Variants in ESRRG observed in about 807,000 individuals in gnomAD.
The protein encoded by ESRRG is estrogen related receptor gamma.
A neutral mutation model predicts 44.0 loss-of-function variants in ESRRG; 13 were observed. The ratio of observed to expected loss-of-function variants is 0.30; its 90% CI spans 0.19 to 0.47. The LOEUF (loss-of-function observed/expected upper bound fraction) is 0.47. Ranked by LOEUF, ESRRG falls within the 20% of genes least tolerant of loss-of-function variation. The pLI is 1.00. For synonymous variants in ESRRG, 215 were observed against 214.6 expected (o/e 1.00, Z -0.02); for missense variants, 395 against 580.6 (o/e 0.68, Z 3.29).
Position 216,564,617 on chromosome 1 carries a change from C to T in ESRRG, c.701-237G>A, listed in dbSNP as rs190694433. On this transcript the variant is annotated intron_variant, in intron 4 of 6. Transcript: ENST00000408911. ...TTTTTTTTCTTCTTTGCTCTACCTGCTTTTGCTGGAATGAAGCGTCTGTCC... is the reference window on the plus strand; with the variant it reads ...TTTTTTTTCTTCTTTGCTCTACCTGTTTTTGCTGGAATGAAGCGTCTGTCC... Among the ~76,000 whole-genome samples the T allele has an allele frequency of 4.1e-4, 62 of 152,054 alleles. No individual in the cohort carries two copies. The South Asian group carries it at 6.9e-3, about 17-fold the overall frequency.
intron 5 of ESRRG, among the ~76,000 whole-genome samples, chr1:216,562,018 T>A (rs886680613): frequency 6.6e-6 from 1 of 152,192 alleles, no homozygotes; most frequent in African/African-American, 2.4e-5. Flanking sequence ...CTGTGACAAG[T>A]CCCTTTGTAA....
upstream of ESRRG, among the ~76,000 whole-genome samples, chr1:217,089,841 C>G (rs1326979114): frequency 6.6e-6 from 1 of 152,106 alleles, no homozygotes; most frequent in Non-Finnish European, 1.5e-5. Flanking sequence ...AGCGCCAAGG[C>G]GCCTCCCTTT....
rs144783472 is a variant in ESRRG at position 216,970,116 on chromosome 1, T to A, written c.-105-30443A>T. 3.4e-4 allele frequency among the ~76,000 whole-genome samples: 51 copies of A among 152,052 alleles called. 1 individual carries two copies. Among genetic ancestry groups the A allele is most frequent in the Admixed American group, 5.9e-4 (9 of 15,264 alleles). On this transcript the variant is annotated intron_variant, in intron 1 of 7. Coordinates refer to the ESRRG transcript ENST00000359162. The stretch of plus-strand genomic sequence containing the variant: ...ACAACCCCATAGCTTTTCACCAGAG[T>A]CAAGTTCAAGTGGGCTACTATATTA...
chr1:216,769,070 C>A (rs1464374665), intron 2 of ESRRG, among the ~76,000 whole-genome samples: 7 of 148,156 alleles, frequency 4.7e-5, no homozygotes, highest in Non-Finnish European at 4.5e-5. Flanking sequence ...AAAAGGAGGC[C>A]AAAAAAAAAA....
intron 2 of ESRRG, among the ~76,000 whole-genome samples, chr1:216,660,494 A>G (rs1185303618): frequency 6.6e-6 from 1 of 152,236 alleles, no homozygotes; most frequent in Non-Finnish European, 1.5e-5. Flanking sequence ...AACCCAGGCA[A>G]TCTGGATCCA....
At chr1:216,997,474 C>G (rs561338328) in intron 1 of ESRRG, among the ~76,000 whole-genome samples, 1 of 152,264 alleles carries the variant, frequency 6.6e-6, no homozygotes, top group East Asian at 1.9e-4. Context: ...ATGAGGGAGG[C>G]CTTTAAGGTA....
intron 1 of ESRRG, among the ~76,000 whole-genome samples, chr1:216,956,109 C>A (rs753834857): frequency 4.6e-5 from 7 of 152,100 alleles, no homozygotes; most frequent in Non-Finnish European, 1.0e-4. Context: ...CATACAAAAT[C>A]TTTTCCTAGA....
chr1:216,961,465 G>C (rs929173777), intron 1 of ESRRG, among the ~76,000 whole-genome samples: 5 of 151,224 alleles, frequency 3.3e-5, no homozygotes, highest in Non-Finnish European at 7.4e-5. Flanking sequence ...ACTATTAGAA[G>C]ATATTTAGAA....
At chr1:216,723,771 T>A (rs1426590632), upstream of ESRRG, among the ~76,000 whole-genome samples, 2 of 151,896 alleles carry the variant, frequency 1.3e-5, no homozygotes, top group Admixed American at 6.6e-5. Flanking sequence ...AAAAGAAACA[T>A]AACTAACTTA....
chr1:216,991,442 G>A (rs750131764), intron 1 of ESRRG, among the ~76,000 whole-genome samples: 11 of 152,214 alleles, frequency 7.2e-5, no homozygotes, highest in Non-Finnish European at 1.5e-4. Context: ...TATATTCATT[G>A]GGAGCCTACT....
intron 4 of ESRRG, among the ~76,000 whole-genome samples, chr1:216,567,302 C>T (rs975761004): frequency 2.0e-5 from 3 of 152,070 alleles, no homozygotes; most frequent in African/African-American, 4.8e-5. Flanking sequence ...AACTCTTTTT[C>T]GTTAATGACA....
At chr1:217,133,144 G>A (rs1374209324) in intron 1 of ESRRG, among the ~76,000 whole-genome samples, 1 of 152,256 alleles carries the variant, frequency 6.6e-6, no homozygotes, top group African/African-American at 2.4e-5. Flanking sequence ...GAGCGAACTA[G>A]AAAGCTATGG....
intron 2 of ESRRG, among the ~76,000 whole-genome samples, chr1:216,928,165 T>A (rs1560144765): frequency 6.6e-6 from 1 of 152,208 alleles, no homozygotes. Flanking sequence ...AATCTTGTGC[T>A]GAGGGCTCTC....
intron 1 of ESRRG, among the ~76,000 whole-genome samples, chr1:217,060,132 C>A (rs1393380811): frequency 6.6e-6 from 1 of 151,110 alleles, no homozygotes; most frequent in African/African-American, 2.4e-5. Flanking sequence ...TATGTATATA[C>A]TTATGCAACA....
At chr1:217,001,012 G>T (rs2076969817) in intron 1 of ESRRG, among the ~76,000 whole-genome samples, 1 of 152,208 alleles carries the variant, frequency 6.6e-6, no homozygotes, top group African/African-American at 2.4e-5. Context: ...AAATAAAAGT[G>T]ATATAAGATC....
At chr1:216,984,177 C>T (rs1259409691) in intron 1 of ESRRG, among the ~76,000 whole-genome samples, 4 of 152,166 alleles carry the variant, frequency 2.6e-5, no homozygotes, top group South Asian at 4.2e-4. Flanking sequence ...ACAAGAGCAT[C>T]GTTCAGGTTT....
intron 2 of ESRRG, among the ~76,000 whole-genome samples, chr1:216,903,433 G>A (rs1210533281): frequency 9.4e-5 from 3 of 31,802 alleles, no homozygotes. Context: ...GTTCAAGTGT[G>A]TGTGTGTGTG....
chr1:217,046,982 T>C (rs1219045275), intron 1 of ESRRG, among the ~76,000 whole-genome samples: 1 of 152,112 alleles, frequency 6.6e-6, no homozygotes, highest in Non-Finnish European at 1.5e-5. Context: ...TGATTGAATA[T>C]ATTAACATAT....
At chr1:216,627,538 T>C (rs1012745457) in intron 3 of ESRRG, among the ~76,000 whole-genome samples, 1 of 152,192 alleles carries the variant, frequency 6.6e-6, no homozygotes, top group Admixed American at 6.5e-5. Context: ...GGTCAAGATA[T>C]AAACATTGAA....
Sources: allele counts gnomAD v4.1 joint callset (sites outside exome capture counted in the v4.1 genomes callset), GRCh38; gene constraint gnomAD v4.1.1; transcripts MANE v1.5; gene names NCBI Gene and HGNC (gene_info 2026-07-23, HGNC 2026-07-21).